Variants in FAM149A observed in about 807,000 individuals in gnomAD.
FAM149A encodes the protein family with sequence similarity 149 member A, also known as protein FAM149A.
FAM149A carries 71 observed loss-of-function variants against 78.2 expected under a neutral mutation model. The ratio of observed to expected loss-of-function variants is 0.91; its 90% CI spans 0.75 to 1.11. The LOEUF (loss-of-function observed/expected upper bound fraction) is 1.11. FAM149A is among the 50% of genes least tolerant of loss of function. FAM149A has a pLI of 0.00. For missense variants in FAM149A, 1,036 were observed against 971.0 expected (o/e 1.07, Z -0.89); for synonymous variants, 446 against 410.5 (o/e 1.09, Z -1.04).
chr4:186,162,862 C>G lies in FAM149A; in HGVS notation c.1593C>G (p.Ser531Arg). The G allele has an allele frequency of 7.9e-7, 1 of 1,270,988 alleles. No homozygotes were observed. Among genetic ancestry groups the G allele is most frequent in the Non-Finnish European group, 1.1e-6 (1 of 890,206 alleles). The allele number at this position is 1,270,988 out of a possible 1,614,324, so 78.7% of individuals were successfully genotyped here. ...GTTCTCAGATTCATCACTTCTCCAG[C>G]AGTTTTTATAGTGACATGAATGGTG... The change falls in exon 9 of 14, where the codon AGC becomes AGG. Residue 531 changes from serine to arginine, a missense_variant. This residue lies in a region of FAM149A where 716 missense variants were observed against 711.8 expected (regional missense o/e 1.01). Transcript: ENST00000389354.
At chr4:186,141,819 A>C (rs1453720643) in intron 1 of FAM149A, among the ~76,000 whole-genome samples, 1 of 152,216 alleles carries the variant, frequency 6.6e-6, no homozygotes, top group African/African-American at 2.4e-5. Context: ...TTAAAAAATC[A>C]TAAGAGAATT....
intron 1 of FAM149A, among the ~76,000 whole-genome samples, chr4:186,143,360 G>C (rs137877772): frequency 5.6e-4 from 84 of 151,148 alleles, no homozygotes; most frequent in African/African-American, 1.9e-3. Flanking sequence ...CAGCAAGTCT[G>C]TGTGGGCTTA....
chr4:186,113,638 C>T (rs1373256023), intron 1 of FAM149A, among the ~76,000 whole-genome samples: 1 of 147,578 alleles, frequency 6.8e-6, no homozygotes, highest in Admixed American at 6.8e-5. Flanking sequence ...TTTCTGCCTT[C>T]ATTTCGTTAT....
chr4:186,128,674 T>C lies in FAM149A; in HGVS notation c.567-20499T>C, dbSNP rs190253406. ...AATTCAAGGTCCATATTAAATTCAGTTTATTTAGAATTAGAGTGTTCACCT... is the reference window on the plus strand; with the variant it reads ...AATTCAAGGTCCATATTAAATTCAGCTTATTTAGAATTAGAGTGTTCACCT... On this transcript the variant is annotated intron_variant, in intron 1 of 13. Coordinates refer to ENST00000389354, the MANE Select transcript of FAM149A (RefSeq NM_001367768.3). Among the ~76,000 whole-genome samples the C allele has an allele frequency of 1.2e-4, 19 of 152,300 alleles. No homozygotes were observed. In the East Asian group the frequency reaches 3.5e-3, roughly 28 times the overall value.
intron 4 of FAM149A, 100 bp from the exon 5 acceptor site, chr4:186,153,545 T>C: frequency 6.6e-7 from 1 of 1,522,666 alleles, no homozygotes; most frequent in East Asian, 2.3e-5. Flanking sequence ...CATCTTATCA[T>C]ACACATGCCT....
intron 1 of FAM149A, among the ~76,000 whole-genome samples, chr4:186,110,849 AAAC>A (rs1441669871): frequency 6.6e-6 from 1 of 150,704 alleles, no homozygotes; most frequent in Non-Finnish European, 1.5e-5. Flanking sequence ...ATGCCGCAAT[AAAC>A]CTATGTGTGC....
chr4:186,130,153 G>A (rs1055171413), intron 1 of FAM149A: 6 of 151,376 alleles, frequency 4.0e-5, no homozygotes, highest in South Asian at 2.1e-4. Context: ...GAAGAGTATA[G>A]GAAATACAGA....
intron 6 of FAM149A, 145 bp from the exon 7 acceptor site, chr4:186,155,855 A>G: frequency 1.8e-6 from 1 of 555,050 alleles, no homozygotes; most frequent in Non-Finnish European, 2.8e-6. Flanking sequence ...GAAAAAAATT[A>G]TATATGTTAA....
intron 1 of FAM149A, chr4:186,117,382 A>G (rs2099314185): frequency 7.3e-6 from 7 of 960,438 alleles, no homozygotes; most frequent in Non-Finnish European, 8.7e-6. Context: ...ATCTTATGAA[A>G]AAGCAGGAAA....
chr4:186,109,275 G>C (rs929370093), intron 1 of FAM149A: 2 of 852,028 alleles, frequency 2.3e-6, no homozygotes, highest in African/African-American at 3.7e-5. Flanking sequence ...TTTATAGCTT[G>C]TATAAGTCAT....
intron 1 of FAM149A, chr4:186,145,094 C>T (rs1732919153): frequency 2.0e-6 from 2 of 985,516 alleles, no homozygotes. Flanking sequence ...AGCACAGGCC[C>T]GGGGCTGATC....
At chr4:186,136,936 A>ATCTCTCTCTCTCTCTCTCTCTTTCTCTC (rs2099323016) in intron 1 of FAM149A, among the ~76,000 whole-genome samples, 3 of 88,168 alleles carry the variant, frequency 3.4e-5, no homozygotes, top group African/African-American at 5.0e-5. Flanking sequence ...ACACTGATTG[A>ATCTCTCTCTCTCTCTCTCTCTTTCTCTC]TCTCTCTCTC....
chr4:186,143,784 G>C (rs1372982176), intron 1 of FAM149A, among the ~76,000 whole-genome samples: 1 of 152,150 alleles, frequency 6.6e-6, no homozygotes, highest in Non-Finnish European at 1.5e-5. Flanking sequence ...GCCCACCTCA[G>C]CCTTCCAAAG....
At chr4:186,136,964 T>TCTCTCTCTCTCTCTCTCTCTCTC (rs2099323207) in intron 1 of FAM149A, among the ~76,000 whole-genome samples, 4 of 97,110 alleles carry the variant, frequency 4.1e-5, no homozygotes, top group African/African-American at 1.3e-4. Flanking sequence ...CTCTCTCTCT[T>TCTCTCTCTCTCTCTCTCTCTCTC]TCTCTCTCTC....
rs539402000 is a variant in FAM149A, at chr4:186,155,020, C to T, written c.1229+382C>T. Reference sequence around the variant, plus strand: ...CTCTGTCGCCCAGGCTAGAGTGCAGCCGTGCGAGCTCGGCTGACTGCAAAC... The same window carrying T: ...CTCTGTCGCCCAGGCTAGAGTGCAGTCGTGCGAGCTCGGCTGACTGCAAAC... On this transcript the variant is annotated intron_variant, in intron 6 of 13. Transcript: ENST00000389354. 1.5e-3 allele frequency: 1,252 copies of T among 845,186 alleles called. 3 individuals are homozygous for T. The highest frequency in any genetic ancestry group is 1.8e-3 in the Middle Eastern group (3 of 1,674). The allele number at this position is 845,186 out of a possible 1,614,324, so 52.4% of individuals were successfully genotyped here. A position where few individuals can be genotyped will look rare whatever the true frequency, so the allele number is the denominator to read the frequency against.
chr4:186,125,044 T>C (rs2099317714), intron 1 of FAM149A, among the ~76,000 whole-genome samples: 1 of 152,226 alleles, frequency 6.6e-6, no homozygotes, highest in Admixed American at 6.5e-5. Flanking sequence ...ATGTGTCTTT[T>C]GGCTGCATAA....
intron 1 of FAM149A, among the ~76,000 whole-genome samples, chr4:186,137,008 CTCTCTCTCTCT>C (rs2099323584): frequency 7.6e-6 from 1 of 130,822 alleles, no homozygotes; most frequent in Non-Finnish European, 1.6e-5. Context: ...CTCTCTCTCT[CTCTCTCTCTCT>C]AAGTGCTTAA....
At chr4:186,111,804 T>C (rs1323339369) in intron 1 of FAM149A, among the ~76,000 whole-genome samples, 1 of 151,278 alleles carries the variant, frequency 6.6e-6, no homozygotes, top group African/African-American at 2.4e-5. Flanking sequence ...TGTAGCCTTG[T>C]AGTATAGTTT....
In FAM149A at chr4:186,174,310, C is replaced by T. The variant is rs540456423; in HGVS notation, c.*2323C>T. On this transcript the variant is annotated 3_prime_UTR_variant, in exon 14 of 14. Transcript: ENST00000389354. ...ATGTGTTCTCATCATTTAGCTCCCA[C>T]TTAGAAGTGAGAACGGATGGCATTT... Among the ~76,000 whole-genome samples the T allele has an allele frequency of 2.7e-5, 3 of 110,740 alleles. 1 individual carries two copies. Among genetic ancestry groups the T allele is most frequent in the Non-Finnish European group, 6.8e-5 (3 of 44,120 alleles). 72.6% of individuals were successfully genotyped at this position (110,740 alleles called of 152,430 possible). A position where few individuals can be genotyped will look rare whatever the true frequency, so the allele number is the denominator to read the frequency against.
Sources: gnomAD v4.1 joint callset for allele counts (sites outside exome capture counted in the v4.1 genomes callset) on GRCh38, gnomAD v4.1.1 for gene constraint, gnomAD v4.1.1 regional missense constraint, MANE v1.5 for transcripts, NCBI Gene and HGNC (gene_info 2026-07-23, HGNC 2026-07-21) for gene names.